The following SWAP70 variants were observed in gnomAD, a reference collection of about 807,000 sequenced individuals.
SWAP70 encodes the protein switch-associated protein 70.
A neutral mutation model predicts 80.2 loss-of-function variants in SWAP70; 34 were observed. The ratio of observed to expected loss-of-function variants is 0.42; its 90% confidence interval spans 0.32 to 0.56. The LOEUF is 0.56. SWAP70 is among the 20% of genes least tolerant of loss of function. SWAP70 has a pLI of 0.09. For synonymous variants in SWAP70, 239 were observed against 238.5 expected (o/e 1.00, Z -0.02); for missense variants, 578 against 690.7 (o/e 0.84, Z 1.83).
intron 1 of SWAP70, among the ~76,000 whole-genome samples, chr11:9,675,388 AG>A: frequency 8.2e-6 from 1 of 121,484 alleles, no homozygotes; most frequent in African/African-American, 3.5e-5. Context: ...AGAGAGAGAG[AG>A]AGAGAGAGAG....
chr11:9,666,919 T>G (rs1473071732), intron 1 of SWAP70, among the ~76,000 whole-genome samples: 1 of 152,042 alleles, frequency 6.6e-6, no homozygotes, highest in Non-Finnish European at 1.5e-5. Flanking sequence ...GAGATGGGGT[T>G]TCACCATATT....
At chr11:9,681,311 T>C (rs541088047) in intron 1 of SWAP70, 1 of 152,368 alleles carries the variant, frequency 6.6e-6, no homozygotes, top group East Asian at 1.9e-4. Context: ...AGGTTTGTTT[T>C]AAAGCATAGT....
At chr11:9,674,105 T>G (rs1205018181) in intron 1 of SWAP70, among the ~76,000 whole-genome samples, 3 of 152,096 alleles carry the variant, frequency 2.0e-5, no homozygotes, top group Non-Finnish European at 2.9e-5. Flanking sequence ...TTCGCCGTGT[T>G]GGCCAGGCTG....
chr11:9,673,070 C>T (rs10743116), intron 1 of SWAP70, among the ~76,000 whole-genome samples: 82,947 of 151,836 alleles, frequency 0.55, 24,522 homozygotes, highest in South Asian at 0.69. Flanking sequence ...GGGTATCCTC[C>T]AGTTCAATTC....
At chr11:9,670,250 T>A (rs1256127312) in intron 1 of SWAP70, among the ~76,000 whole-genome samples, 1 of 152,058 alleles carries the variant, frequency 6.6e-6, no homozygotes, top group Non-Finnish European at 1.5e-5. Flanking sequence ...GACCCATGAT[T>A]GGGTGGGAGG....
rs1218446836 is a variant in SWAP70, at chr11:9,664,207, A to G, written c.28A>G (p.Lys10Glu). The stretch of plus-strand genomic sequence containing the variant: ...GGGGAGCTTGAAGGAGGAGCTGCTC[A>G]AAGCCATCTGGCACGCCTTCACCGC... MGSLKEELLKAIWHAFTALD... is the reference protein window; with the variant it reads MGSLKEELLEAIWHAFTALD... Residue 10 changes from lysine (K) to glutamate (E), a missense_variant, in exon 1 of 12, where the codon AAA becomes GAA. Transcript: ENST00000318950. The G allele has an allele frequency of 6.3e-7, 1 of 1,591,262 alleles. No homozygotes were observed. Among genetic ancestry groups the G allele is most frequent in the South Asian group, 1.1e-5 (1 of 87,284 alleles).
chr11:9,724,531 G>T, intron 3 of SWAP70, 127 bp from the exon 4 acceptor site: 1 of 677,450 alleles, frequency 1.5e-6, no homozygotes, highest in Non-Finnish European at 2.5e-6. Context: ...AGACTCTAAA[G>T]GTAGGCATTT....
intron 2 of SWAP70, among the ~76,000 whole-genome samples, chr11:9,697,724 C>G (rs961324361): frequency 6.6e-6 from 1 of 152,160 alleles, no homozygotes; most frequent in African/African-American, 2.4e-5. Flanking sequence ...AGTTCCTGAT[C>G]TTTCTTTGTG....
chr11:9,704,114 TC>T (rs1850868610), intron 2 of SWAP70, among the ~76,000 whole-genome samples: 2 of 152,196 alleles, frequency 1.3e-5, no homozygotes, highest in African/African-American at 4.8e-5. Context: ...CTATCCAAAT[TC>T]TGGATTTCTG....
rs1462147658 is a variant in SWAP70 at position 9,749,963 on chromosome 11, CG to C, written c.1753del (p.Glu585SerfsTer3). Reference protein sequence around the residue: ...REKNWKEKKTTE With the variant: ...REKNWKEKKTXE Reference sequence around the variant, plus strand: ...AAGAACTGGAAAGAGAAAAAGACCACGGAGTGACTGAGCTTGCTGGCAGTCA... The same window carrying C: ...AAGAACTGGAAAGAGAAAAAGACCACGAGTGACTGAGCTTGCTGGCAGTCA... On this transcript the variant is annotated frameshift_variant, in exon 12 of 12. Transcript: ENST00000318950. LOFTEE classifies it high-confidence loss of function. The C allele has an allele frequency of 1.2e-6, 2 of 1,611,206 alleles. No homozygotes were observed. The highest frequency in any genetic ancestry group is 1.7e-6 in the Non-Finnish European group (2 of 1,177,582).
Position 9,749,100 on chromosome 11 carries a change from A to G in SWAP70, c.1568A>G (p.Lys523Arg). Residue 523 changes from lysine (K) to arginine (R), a missense_variant, in exon 11 of 12, where the codon AAG becomes AGG. Physicochemically the swap from Lys to Arg is conservative, Grantham distance 26. Coordinates refer to ENST00000318950, the MANE Select transcript of SWAP70 (RefSeq NM_015055.4). ...CTTTTGTTTCAGGAAGTTAAAAAGAAGCTGGAGATGGCAACTAATAAGACC... is the reference window on the plus strand; with the variant it reads ...CTTTTGTTTCAGGAAGTTAAAAAGAGGCTGGAGATGGCAACTAATAAGACC... Reference protein sequence around the residue: ...ALEQYEEVKKKLEMATNKTKS... With the variant: ...ALEQYEEVKKRLEMATNKTKS... 6.2e-7 allele frequency: 1 copy of G among 1,612,458 alleles called. No homozygotes were observed. The highest frequency in any genetic ancestry group is 1.1e-5 in the South Asian group (1 of 90,900).
chr11:9,723,759 TTTCC>T (rs1397973819), intron 3 of SWAP70, among the ~76,000 whole-genome samples: 3 of 150,078 alleles, frequency 2.0e-5, no homozygotes, highest in African/African-American at 7.4e-5. Flanking sequence ...CTGTTATTTC[TTTCC>T]TTCTTTACTT....
chr11:9,741,844 G>A (rs1014419576), intron 9 of SWAP70: 1 of 142,606 alleles, frequency 7.0e-6, no homozygotes, highest in African/African-American at 2.8e-5. Context: ...ACAAAGTGTG[G>A]CTCACCCACC....
In SWAP70 at chr11:9,664,112, G is replaced by C; in HGVS notation, c.-68G>C. On this transcript the variant is annotated 5_prime_UTR_variant, in exon 1 of 12. Coordinates refer to ENST00000318950, the MANE Select transcript of SWAP70 (RefSeq NM_015055.4). ...GCGGCGGGCTGTGGCTGCGGAGGTT[G>C]AGGGGCGTCCGAGGCGCGGAGGGGC... The C allele has an allele frequency of 6.8e-7, 1 of 1,465,020 alleles. No individual in the cohort carries two copies. Among genetic ancestry groups the C allele is most frequent in the South Asian group, 1.3e-5 (1 of 78,090 alleles). 90.8% of individuals were successfully genotyped at this position (1,465,020 alleles called of 1,614,324 possible). A position where few individuals can be genotyped will look rare whatever the true frequency, so the allele number is the denominator to read the frequency against.
intron 3 of SWAP70, among the ~76,000 whole-genome samples, chr11:9,719,373 C>CA (rs555391244): frequency 2.4e-4 from 36 of 150,200 alleles, no homozygotes; most frequent in Non-Finnish European, 4.0e-4. Context: ...GATCCTGTCT[C>CA]AAAAAAAAAG....
At chr11:9,727,386 TA>T (rs1182972436) in intron 4 of SWAP70, among the ~76,000 whole-genome samples, 2 of 151,620 alleles carry the variant, frequency 1.3e-5, no homozygotes, top group Non-Finnish European at 2.9e-5. Context: ...GCGACACTCC[TA>T]AAAAAAAATT....
Position 9,695,741 on chromosome 11 carries a change from G to T in SWAP70, c.240+1455G>T, listed in dbSNP as rs147419667. Among the ~76,000 whole-genome samples, 1,294 of 151,332 alleles carry T rather than the reference G, an allele frequency of 8.6e-3. 17 individuals carry two copies. Among genetic ancestry groups the T allele is most frequent in the African/African-American group, 0.027 (1,134 of 41,274 alleles). ...GCTGCACAGGTATCCGTTTTTTTTT[G>T]TTGTTGTTGTTGTTTTTGTTTTTAG... On this transcript the variant is annotated intron_variant, in intron 2 of 11. Transcript: ENST00000318950.
chr11:9,704,640 G>T (rs1452399435), intron 2 of SWAP70, among the ~76,000 whole-genome samples: 2 of 152,106 alleles, frequency 1.3e-5, no homozygotes, highest in Admixed American at 1.3e-4. Flanking sequence ...TCATCTGCCT[G>T]CCTTGGACTC....
intron 5 of SWAP70, 46 bp downstream of exon 5, chr11:9,728,245 C>T (rs1411800505): frequency 1.3e-6 from 2 of 1,509,108 alleles, no homozygotes; most frequent in Non-Finnish European, 1.8e-6. Context: ...GTGCTGCCCC[C>T]TGATGCTGAA....
Sources: gnomAD v4.1 joint callset for allele counts (sites outside exome capture counted in the v4.1 genomes callset) on GRCh38, gnomAD v4.1.1 for gene constraint, MANE v1.5 for transcripts, NCBI Gene and HGNC (gene_info 2026-07-23, HGNC 2026-07-21) for gene names.